The following AP2A2 variants were observed in gnomAD, a reference collection of about 807,000 sequenced individuals.
AP2A2 encodes the protein adaptor related protein complex 2 subunit alpha 2, also known as AP-2 complex subunit alpha-2.
A neutral mutation model predicts 104.2 loss-of-function variants in AP2A2; 32 were observed. That is an observed-to-expected ratio of 0.31 (90% CI 0.23 to 0.41). The LOEUF is 0.41. Ranked by LOEUF, AP2A2 falls within the 10% of genes least tolerant of loss-of-function variation. AP2A2 has a pLI of 1.00. For missense variants in AP2A2, 912 were observed against 1,261.0 expected (o/e 0.72, Z 4.19); for synonymous variants, 539 against 533.3 (o/e 1.01, Z -0.15).
intron 1 of AP2A2, chr11:940,619 G>A (rs183968459): frequency 2.5e-4 from 79 of 317,254 alleles, no homozygotes; most frequent in Admixed American, 8.3e-4. Flanking sequence ...ATTTTATCTC[G>A]TCTGTGTAAA....
intron 1 of AP2A2, among the ~76,000 whole-genome samples, chr11:951,711 C>G (rs770015279): frequency 1.3e-5 from 2 of 152,138 alleles, no homozygotes; most frequent in Non-Finnish European, 2.9e-5. Context: ...GGTCACGTAG[C>G]TAGTAAAACA....
intron 1 of AP2A2, among the ~76,000 whole-genome samples, chr11:929,352 C>T (rs1210913526): frequency 1.3e-5 from 2 of 152,198 alleles, no homozygotes; most frequent in Non-Finnish European, 2.9e-5. Flanking sequence ...CTGACTCTGC[C>T]TCTTAGCAGC....
At chr11:940,037 C>T (rs2134478868) in intron 1 of AP2A2, among the ~76,000 whole-genome samples, 1 of 145,032 alleles carries the variant, frequency 6.9e-6, no homozygotes, top group South Asian at 2.2e-4. Flanking sequence ...CTCACTGTAA[C>T]CTCTTCTGCC....
At chr11:994,392 T>TG in intron 14 of AP2A2, 147 bp downstream of exon 14, 1 of 1,003,190 alleles carries the variant, frequency 1.0e-6, no homozygotes. Flanking sequence ...TGTCCTGTCC[T>TG]GGGGGCCACT....
At chr11:998,680 TGGGTGGG>T (rs1268777686) in intron 14 of AP2A2, among the ~76,000 whole-genome samples, 3 of 152,114 alleles carry the variant, frequency 2.0e-5, no homozygotes, top group Non-Finnish European at 4.4e-5. Context: ...CGCTCTTAGC[TGGGTGGG>T]GGGTTTCTCC....
At chr11:951,531 A>AC (rs1336106540) in intron 1 of AP2A2, among the ~76,000 whole-genome samples, 94 of 152,316 alleles carry the variant, frequency 6.2e-4, no homozygotes, top group African/African-American at 2.3e-3. Context: ...CGTCTCAAAA[A>AC]AAAAAAAAGA....
intron 1 of AP2A2, chr11:946,379 A>T (rs998857508): frequency 6.6e-6 from 1 of 152,178 alleles, no homozygotes; most frequent in Non-Finnish European, 1.5e-5. Flanking sequence ...CCACTTACTG[A>T]GCTTGCCATC....
In AP2A2 at chr11:988,661, C is replaced by G. The variant is rs777910140; in HGVS notation, c.1241C>G (p.Thr414Arg). 3.5e-5 allele frequency: 57 copies of G among 1,613,642 alleles called. No individual in the cohort carries two copies. Among genetic ancestry groups the G allele is most frequent in the Non-Finnish European group, 4.8e-5 (57 of 1,179,904 alleles). ...IVAEMLSYLE[T>R]ADYSIREEIV... is the part of the protein sequence containing the mutation. ...GCCGAGATGCTGAGCTATCTGGAGA[C>G]AGCTGACTACTCCATCCGAGAAGAG... The change falls in exon 10 of 22, where the codon ACA (threonine) becomes AGA (arginine). Residue 414 changes from threonine (T) to arginine (R), a missense_variant. Around this residue, in one of 7 missense-constraint regions of AP2A2, gnomAD observed 350 missense variants for 487.0 expected, o/e 0.72. Coordinates refer to ENST00000448903, the MANE Select transcript of AP2A2 (RefSeq NM_012305.4).
intron 6 of AP2A2, among the ~76,000 whole-genome samples, chr11:981,798 C>A (rs1327397216): frequency 6.6e-6 from 1 of 152,288 alleles, no homozygotes; most frequent in Non-Finnish European, 1.5e-5. Flanking sequence ...GAACACTTAG[C>A]TCCTTGCCCT....
Position 1,000,472 on chromosome 11 carries a change from C to A in AP2A2, c.1997C>A (p.Ala666Asp). Reference protein sequence around the residue: ...SPSADLLGLGAAPPAPAGPPP... With the variant: ...SPSADLLGLGDAPPAPAGPPP... ...TCGGCAGACCTGCTGGGTCTCGGGG[C>A]TGCCCCCCCTGCCCCCGCGGGCCCC... is the stretch of plus-strand genomic sequence containing the variant. The change falls in exon 15 of 22, where the codon GCT becomes GAT. Residue 666 changes from alanine (A) to aspartate (D), a missense_variant. Around this residue, in one of 7 missense-constraint regions of AP2A2, gnomAD observed 105 missense variants for 90.9 expected, o/e 1.16. Coordinates refer to ENST00000448903, the MANE Select transcript of AP2A2 (RefSeq NM_012305.4). 1.0e-5 allele frequency: 16 copies of A among 1,540,230 alleles called. No homozygotes were observed. The highest frequency in any genetic ancestry group is 1.4e-5 in the Non-Finnish European group (16 of 1,147,028).
intron 14 of AP2A2, among the ~76,000 whole-genome samples, chr11:999,834 C>T (rs779736243): frequency 7.8e-5 from 11 of 140,296 alleles, no homozygotes; most frequent in East Asian, 2.0e-4. Context: ...GATGGAGTCT[C>T]GCTCTGTCGC....
chr11:942,604 T>A (rs1853694104), intron 1 of AP2A2, among the ~76,000 whole-genome samples: 1 of 152,216 alleles, frequency 6.6e-6, no homozygotes, highest in African/African-American at 2.4e-5. Flanking sequence ...ATACTTGAAT[T>A]TTCCAGAGAG....
Position 970,153 on chromosome 11 carries a change from C to T in AP2A2, c.137-16C>T. On this transcript the variant is annotated splice_polypyrimidine_tract_variant and intron_variant, in intron 2 of 21. Transcript: ENST00000448903. ...TGCCCGCCTGGAATAAAACCTCTTC[C>T]CCACCTTTTCTGTAGGTGACAAGGC... is the stretch of plus-strand genomic sequence containing the variant. 6.2e-7 allele frequency: 1 copy of T among 1,613,500 alleles called. No individual in the cohort carries two copies. Among genetic ancestry groups the T allele is most frequent in the Non-Finnish European group, 8.5e-7 (1 of 1,179,592 alleles).
At chr11:929,560 G>C (rs1022135679) in intron 1 of AP2A2, among the ~76,000 whole-genome samples, 1 of 152,234 alleles carries the variant, frequency 6.6e-6, no homozygotes. Flanking sequence ...CTCCAAATTT[G>C]CGTCTTTCTG....
At chr11:937,657 C>T (rs1016341160) in intron 1 of AP2A2, among the ~76,000 whole-genome samples, 1 of 152,208 alleles carries the variant, frequency 6.6e-6, no homozygotes, top group African/African-American at 2.4e-5. Context: ...AACCATCTAA[C>T]ACAAACCCTA....
rs189295732 is a variant in AP2A2, at chr11:926,743, C to T, written c.67+655C>T. Among the ~76,000 whole-genome samples the T allele has an allele frequency of 4.4e-3, 668 of 152,318 alleles. 4 individuals carry two copies. The highest frequency in any genetic ancestry group is 0.016 in the African/African-American group (646 of 41,564). ...TTCCCGGAGGGAATCTGGACACGAG[C>T]AGCAGTCGGGGTGTGGGATGGCCTC... is the stretch of plus-strand genomic sequence containing the variant. On this transcript the variant is annotated intron_variant, in intron 1 of 21. Coordinates refer to ENST00000448903, the MANE Select transcript of AP2A2 (RefSeq NM_012305.4).
rs1190435345 is a variant in AP2A2 at position 981,181 on chromosome 11, T to C, written c.604-17T>C. 1 of 1,597,708 alleles carries C rather than the reference T, an allele frequency of 6.3e-7. No individual in the cohort carries two copies. On this transcript the variant is annotated splice_polypyrimidine_tract_variant and intron_variant, in intron 5 of 21. Transcript: ENST00000448903. ...AGCTTCAAGTGTTCTGACTCTTGTGTGTGTGTTTTCTTTCAGGGTGTGGTA... is the reference window on the plus strand; with the variant it reads ...AGCTTCAAGTGTTCTGACTCTTGTGCGTGTGTTTTCTTTCAGGGTGTGGTA...
At chr11:963,375 G>A (rs551941542) in intron 2 of AP2A2, among the ~76,000 whole-genome samples, 3 of 152,012 alleles carry the variant, frequency 2.0e-5, no homozygotes, top group East Asian at 1.9e-4. Context: ...GCTGTGAGCC[G>A]AGATCGTGCC....
intron 4 of AP2A2, 70 bp downstream of exon 4, chr11:972,325 G>A: frequency 1.4e-6 from 2 of 1,421,250 alleles, no homozygotes; most frequent in East Asian, 2.5e-5. Context: ...ATCAAATATG[G>A]AGCTGCTTAG....
Sources: gnomAD v4.1 joint callset for allele counts (sites outside exome capture counted in the v4.1 genomes callset) on GRCh38, gnomAD v4.1.1 for gene constraint, gnomAD v4.1.1 regional missense constraint, MANE v1.5 for transcripts, NCBI Gene and HGNC (gene_info 2026-07-23, HGNC 2026-07-21) for gene names.